The following KCNU1 variants were observed in gnomAD, a reference collection of about 807,000 sequenced individuals.
KCNU1 encodes the protein potassium calcium-activated channel subfamily U member 1, also known as potassium channel subfamily U member 1.
In KCNU1, 93 loss-of-function variants were observed where a neutral mutation model predicts 126.8. That is an observed-to-expected ratio of 0.73 (90% confidence interval 0.62 to 0.87). The LOEUF (loss-of-function observed/expected upper bound fraction) is 0.87. Ranked by LOEUF, KCNU1 falls within the 40% of genes least tolerant of loss-of-function variation. The pLI is 0.00. For missense variants in KCNU1, 1,330 were observed against 1,367.1 expected, an observed-to-expected ratio of 0.97 and a Z score of 0.43; for synonymous variants, 523 against 494.2, an observed-to-expected ratio of 1.06 and a Z score of -0.77.
intron 19 of KCNU1, among the ~76,000 whole-genome samples, chr8:36,882,075 A>G (rs1343301911): frequency 6.6e-6 from 1 of 152,144 alleles, no homozygotes; most frequent in Non-Finnish European, 1.5e-5. Flanking sequence ...AGCCTCTCCA[A>G]AAAGAGACCC....
chr8:36,900,691 TG>T (rs1807381313), intron 19 of KCNU1, among the ~76,000 whole-genome samples: 5 of 152,104 alleles, frequency 3.3e-5, no homozygotes, highest in African/African-American at 1.2e-4. Context: ...AGAGGGCAGA[TG>T]TAGCCTTTGA....
chr8:36,933,119 A>G, intron 26 of KCNU1, 87 bp downstream of exon 26: 1 of 824,040 alleles, frequency 1.2e-6, no homozygotes, highest in South Asian at 1.6e-5. Flanking sequence ...AGAATTCCAG[A>G]GCTCAGGGTC....
At chr8:36,877,433 G>C (rs1217875736) in intron 19 of KCNU1, among the ~76,000 whole-genome samples, 1 of 151,638 alleles carries the variant, frequency 6.6e-6, no homozygotes, top group Non-Finnish European at 1.5e-5. Flanking sequence ...CTCCCAAGTA[G>C]CTGAGATTAC....
chr8:36,821,180 A>G (rs1300104167), intron 10 of KCNU1, among the ~76,000 whole-genome samples: 1 of 152,194 alleles, frequency 6.6e-6, no homozygotes, highest in Non-Finnish European at 1.5e-5. Context: ...TTGTTAAAGA[A>G]AGGGAAGCAT....
At chr8:36,875,176 A>G (rs547969427) in intron 19 of KCNU1, among the ~76,000 whole-genome samples, 1 of 152,160 alleles carries the variant, frequency 6.6e-6, no homozygotes, top group South Asian at 2.1e-4. Flanking sequence ...TAATGGAAGA[A>G]ATATTTTAAT....
intron 19 of KCNU1, among the ~76,000 whole-genome samples, chr8:36,889,582 A>G (rs1356312818): frequency 6.6e-6 from 1 of 152,212 alleles, no homozygotes; most frequent in Non-Finnish European, 1.5e-5. Flanking sequence ...CCAAACTGAT[A>G]TAAAAGGGCA....
intron 14 of KCNU1, among the ~76,000 whole-genome samples, chr8:36,839,382 T>C (rs186487734): frequency 2.2e-4 from 33 of 152,302 alleles, no homozygotes; most frequent in African/African-American, 7.2e-4. Context: ...CTTTCAAACA[T>C]TGAAACATTT....
In KCNU1 at chr8:36,931,119, C is replaced by A; in HGVS notation, c.2905C>A (p.His969Asn). 2.5e-6 allele frequency: 4 copies of A among 1,608,708 alleles called. No homozygotes were observed. In the Admixed American group the frequency reaches 6.8e-5, roughly 27 times the overall value. Residue 969 changes from histidine (H) to asparagine (N), a missense_variant, in exon 25 of 27, where the codon CAC (histidine) becomes AAC (asparagine). By Grantham distance (68) the His-to-Asn change is moderately conservative (BLOSUM62 1). This residue lies in a region of KCNU1 where 1,054 missense variants were observed against 1,053.9 expected (regional missense o/e 1.00). Coordinates refer to ENST00000399881, the MANE Select transcript of KCNU1 (RefSeq NM_001031836.3). ...NRCKLGLLSL[H>N]ETILSDVNPR... ...GTGTAAGCTGGGGCTTCTGTCCTTA[C>A]ACGAAACCATTTTATCAGACGTTAA...
chr8:36,871,406 T>C (rs940235928), intron 19 of KCNU1, among the ~76,000 whole-genome samples: 29 of 144,202 alleles, frequency 2.0e-4, no homozygotes, highest in Admixed American at 1.8e-3. Flanking sequence ...TATATATATA[T>C]ACATAGAGAG....
At chr8:36,881,668 T>C (rs1806483977) in intron 19 of KCNU1, among the ~76,000 whole-genome samples, 1 of 152,268 alleles carries the variant, frequency 6.6e-6, no homozygotes, top group East Asian at 1.9e-4. Flanking sequence ...AACCTGAGTG[T>C]CTGGAATTCA....
intron 19 of KCNU1, among the ~76,000 whole-genome samples, chr8:36,887,442 G>GT (rs71278791): frequency 0.34 from 42,903 of 124,434 alleles, 7,353 homozygotes; most frequent in Non-Finnish European, 0.43. Context: ...TTGGCCATTT[G>GT]TTTTTTTTTG....
chr8:36,800,145 T>G (rs1803251307), intron 2 of KCNU1, among the ~76,000 whole-genome samples: 1 of 152,164 alleles, frequency 6.6e-6, no homozygotes, highest in Non-Finnish European at 1.5e-5. Flanking sequence ...ATGAAAGTCA[T>G]TCCATATACT....
At chr8:36,873,986 T>G (rs1246068634) in intron 19 of KCNU1, among the ~76,000 whole-genome samples, 1 of 152,162 alleles carries the variant, frequency 6.6e-6, no homozygotes, top group East Asian at 1.9e-4. Flanking sequence ...GAAAAGTCAA[T>G]TATGCCAGAG....
intron 19 of KCNU1, among the ~76,000 whole-genome samples, chr8:36,900,403 A>G (rs1198625178): frequency 6.9e-6 from 1 of 145,266 alleles, no homozygotes; most frequent in Non-Finnish European, 1.5e-5. Context: ...AAGAATAAAC[A>G]GCAATGAGAT....
At position 36,830,444 on chromosome 8, in the gene KCNU1, G is replaced by A. The variant is rs145599193; in HGVS notation, c.1107-3110G>A. The stretch of plus-strand genomic sequence containing the variant: ...AATATTTCTATCAATTTGTCTCTGC[G>A]TCTGAGGTGATTATATAAGTGTTGT... On this transcript the variant is annotated intron_variant, in intron 10 of 26. Transcript: ENST00000399881. 4.5e-3 allele frequency among the ~76,000 whole-genome samples: 691 copies of A among 151,928 alleles called. 6 individuals are homozygous for A. The highest frequency in any genetic ancestry group is 0.014 in the African/African-American group (601 of 41,476).
At chr8:36,825,825 T>C (rs1268001681) in intron 10 of KCNU1, among the ~76,000 whole-genome samples, 1 of 152,152 alleles carries the variant, frequency 6.6e-6, no homozygotes, top group African/African-American at 2.4e-5. Context: ...AGTTACAAGC[T>C]GGCAGTTTAT....
At chr8:36,807,564 A>G in intron 6 of KCNU1, 114 bp downstream of exon 6, 1 of 792,812 alleles carries the variant, frequency 1.3e-6, no homozygotes, top group Non-Finnish European at 2.2e-6. Context: ...TGCAAAGATC[A>G]TGAAATCTCT....
rs927535944 is a variant in KCNU1 at position 36,836,790 on chromosome 8, C to A, written c.1366-3C>A. Reference sequence around the variant, plus strand: ...GTTTGACCTGCTTTGTGCTATGGAACAGGTTTATCTGCCAAAGATTCCCAG... The same window carrying A: ...GTTTGACCTGCTTTGTGCTATGGAAAAGGTTTATCTGCCAAAGATTCCCAG... On this transcript the variant is annotated splice_polypyrimidine_tract_variant and splice_region_variant and intron_variant, in intron 13 of 26. Transcript: ENST00000399881. The A allele has an allele frequency of 6.2e-7, 1 of 1,613,510 alleles. No individual in the cohort carries two copies. Among genetic ancestry groups the A allele is most frequent in the Non-Finnish European group, 8.5e-7 (1 of 1,179,562 alleles).
At chr8:36,823,742 G>C (rs936558490) in intron 10 of KCNU1, among the ~76,000 whole-genome samples, 10 of 151,536 alleles carry the variant, frequency 6.6e-5, no homozygotes, top group African/African-American at 1.9e-4. Flanking sequence ...ATTTCTAAGA[G>C]TTGCAAATGG....
Sources: allele counts gnomAD v4.1 joint callset (sites outside exome capture counted in the v4.1 genomes callset), GRCh38; gene constraint gnomAD v4.1.1; regional missense constraint gnomAD v4.1.1; transcripts MANE v1.5; gene names NCBI Gene and HGNC (gene_info 2026-07-23, HGNC 2026-07-21).